Variants in SPPL3 observed in about 807,000 individuals in gnomAD.
SPPL3 encodes signal peptide peptidase like 3.
Under a neutral mutation model 42.4 loss-of-function variants are expected in SPPL3, and 5 were observed. The ratio of observed to expected loss-of-function variants is 0.12; its 90% CI spans 0.06 to 0.25. The LOEUF (loss-of-function observed/expected upper bound fraction) is 0.25. SPPL3 is among the 10% of genes least tolerant of loss of function. The pLI is 1.00. For synonymous variants in SPPL3, 195 were observed against 181.8 expected (o/e 1.07, Z -0.58); for missense variants, 235 against 489.0 (o/e 0.48, Z 4.90).
intron 1 of SPPL3, among the ~76,000 whole-genome samples, chr12:120,865,756 G>C (rs1169691022): frequency 2.0e-5 from 3 of 152,196 alleles, no homozygotes; most frequent in Non-Finnish European, 4.4e-5. Flanking sequence ...ACCTAAGGCA[G>C]GGGTCTCCAA....
intron 6 of SPPL3, among the ~76,000 whole-genome samples, chr12:120,775,331 T>C (rs937806889): frequency 6.6e-6 from 1 of 152,106 alleles, no homozygotes; most frequent in Non-Finnish European, 1.5e-5. Flanking sequence ...TTTTTATTTT[T>C]AGTAGAGATG....
At chr12:120,814,342 A>G (rs485866) in intron 1 of SPPL3, among the ~76,000 whole-genome samples, 149,982 of 152,314 alleles carry the variant, frequency 0.98, 73,848 homozygotes, top group East Asian at 1. Context: ...GGAGACATGA[A>G]GGCCACTCGA....
At chr12:120,896,660 T>C (rs1482666099) in intron 1 of SPPL3, among the ~76,000 whole-genome samples, 1 of 152,040 alleles carries the variant, frequency 6.6e-6, no homozygotes, top group African/African-American at 2.4e-5. Context: ...GCACCTGTAA[T>C]CCCAGATACT....
intron 1 of SPPL3, among the ~76,000 whole-genome samples, chr12:120,846,249 A>G (rs1476315538): frequency 6.6e-6 from 1 of 152,230 alleles, no homozygotes; most frequent in Non-Finnish European, 1.5e-5. Flanking sequence ...AAGTGACTGA[A>G]TAATTGAAAA....
chr12:120,886,577 T>A (rs1320456886), intron 1 of SPPL3, among the ~76,000 whole-genome samples: 2 of 152,168 alleles, frequency 1.3e-5, no homozygotes, highest in Admixed American at 1.3e-4. Flanking sequence ...GGTACATCTC[T>A]AATGAGGAGG....
At chr12:120,797,733 T>C (rs948508563) in intron 2 of SPPL3, among the ~76,000 whole-genome samples, 41 of 152,192 alleles carry the variant, frequency 2.7e-4, no homozygotes, top group African/African-American at 8.9e-4. Context: ...GATCCTATCC[T>C]ATAATGAAGA....
At chr12:120,789,467 A>AAAAAAG (rs1869838635) in intron 3 of SPPL3, among the ~76,000 whole-genome samples, 3 of 151,096 alleles carry the variant, frequency 2.0e-5, no homozygotes, top group Middle Eastern at 6.9e-3. Flanking sequence ...AAAAAAGAAA[A>AAAAAAG]AAAGCATTTA....
intron 1 of SPPL3, among the ~76,000 whole-genome samples, chr12:120,816,730 G>A (rs868467188): frequency 2.6e-5 from 4 of 152,064 alleles, no homozygotes; most frequent in Non-Finnish European, 4.4e-5. Context: ...CAGGGCTGGA[G>A]AACTGTGAAT....
At chr12:120,806,266 T>C (rs1178711209) in intron 2 of SPPL3, among the ~76,000 whole-genome samples, 1 of 147,720 alleles carries the variant, frequency 6.8e-6, no homozygotes, top group African/African-American at 2.5e-5. Flanking sequence ...GGCGCGATCA[T>C]AGTTCACCAT....
At chr12:120,880,027 T>G (rs1873229567) in intron 1 of SPPL3, among the ~76,000 whole-genome samples, 2 of 151,680 alleles carry the variant, frequency 1.3e-5, no homozygotes, top group Non-Finnish European at 2.9e-5. Context: ...CAATCCTACT[T>G]GATTTTCTTT....
At chr12:120,814,100 G>A (rs628114) in intron 1 of SPPL3, among the ~76,000 whole-genome samples, 5,688 of 152,188 alleles carry the variant, frequency 0.037, 359 homozygotes, top group African/African-American at 0.13. Flanking sequence ...CCAAAAAAAA[G>A]GTAGACTTTT....
chr12:120,802,030 T>C (rs908199513), intron 2 of SPPL3, among the ~76,000 whole-genome samples: 2 of 152,294 alleles, frequency 1.3e-5, no homozygotes, highest in Admixed American at 6.5e-5. Context: ...AGAGATCTGG[T>C]TATATTTGCC....
intron 1 of SPPL3, among the ~76,000 whole-genome samples, chr12:120,823,048 T>C (rs1871119182): frequency 2.0e-5 from 3 of 151,718 alleles, no homozygotes; most frequent in African/African-American, 4.8e-5. Context: ...TGGAGGCCTA[T>C]GTGACAGTGC....
intron 6 of SPPL3, among the ~76,000 whole-genome samples, chr12:120,773,526 A>G (rs1869200077): frequency 6.6e-6 from 1 of 152,062 alleles, no homozygotes; most frequent in Non-Finnish European, 1.5e-5. Flanking sequence ...CCAGTAACCA[A>G]AAGCGGGGCA....
At chr12:120,806,193 G>T (rs1417728105) in intron 2 of SPPL3, among the ~76,000 whole-genome samples, 1 of 120,984 alleles carries the variant, frequency 8.3e-6, no homozygotes, top group Non-Finnish European at 1.7e-5. Flanking sequence ...TACTTTTATG[G>T]TCGATTTTTT....
At chr12:120,814,493 TTCA>T (rs1445650642) in intron 1 of SPPL3, among the ~76,000 whole-genome samples, 3 of 152,192 alleles carry the variant, frequency 2.0e-5, no homozygotes, top group African/African-American at 4.8e-5. Context: ...GAAAATGAAC[TTCA>T]TCAGTTTCTC....
intron 6 of SPPL3, among the ~76,000 whole-genome samples, chr12:120,779,800 C>G (rs974239223): frequency 8.5e-6 from 1 of 117,316 alleles, no homozygotes; most frequent in Non-Finnish European, 1.6e-5. Flanking sequence ...CGTGGCGAAA[C>G]CTTGTCTCTA....
chr12:120,809,343 T>G (rs1241938747), intron 2 of SPPL3, among the ~76,000 whole-genome samples: 4 of 149,352 alleles, frequency 2.7e-5, no homozygotes, highest in Non-Finnish European at 4.4e-5. Context: ...AGACTCCGTC[T>G]CAAAAAAAAA....
intron 2 of SPPL3, among the ~76,000 whole-genome samples, chr12:120,809,357 A>T (rs910853479): frequency 6.6e-6 from 1 of 151,420 alleles, no homozygotes; most frequent in African/African-American, 2.4e-5. Context: ...AAAAAAAAAC[A>T]CCAAAAAAAA....
Sources: gnomAD v4.1 joint callset for allele counts (sites outside exome capture counted in the v4.1 genomes callset) on GRCh38, gnomAD v4.1.1 for gene constraint, MANE v1.5 for transcripts, NCBI Gene and HGNC (gene_info 2026-07-23, HGNC 2026-07-21) for gene names.